The following FRMPD3 variants were observed in gnomAD, a reference collection of about 807,000 sequenced individuals.
FRMPD3 encodes the protein FERM and PDZ domain containing 3.
Under a neutral mutation model 97.9 loss-of-function variants are expected in FRMPD3, and 42 were observed. That is an observed-to-expected ratio of 0.43 (90% CI 0.34 to 0.55). The LOEUF is 0.55. FRMPD3 is among the 20% of genes least tolerant of loss of function. The probability of loss-of-function intolerance (pLI) is 0.03; values close to 1 mark genes in which losing one functional copy is unlikely to be tolerated. For missense variants in FRMPD3, 1,303 were observed against 1,457.7 expected, an observed-to-expected ratio of 0.89 and a Z score of 1.73; for synonymous variants, 577 against 581.1, an observed-to-expected ratio of 0.99 and a Z score of 0.10.
intron 13 of FRMPD3, among the ~76,000 whole-genome samples, chrX:107,577,761 C>G (rs1288286835): frequency 1.8e-5 from 2 of 111,473 alleles, no homozygotes; most frequent in African/African-American, 6.5e-5. Flanking sequence ...GGACACCCCC[C>G]ACCCACACAC....
intron 13 of FRMPD3, among the ~76,000 whole-genome samples, chrX:107,593,557 G>C (rs374749506): frequency 2.7e-5 from 3 of 111,510 alleles, no homozygotes; most frequent in African/African-American, 9.8e-5. Flanking sequence ...AATCCCTCTT[G>C]AGTTAATTTT....
At chrX:107,545,481 C>T (rs2059377912) in intron 4 of FRMPD3, 1 of 273,379 alleles carries the variant, frequency 3.7e-6, no homozygotes, top group Non-Finnish European at 6.4e-6. Context: ...TGCAAACTCC[C>T]CTAGGCCTAG....
intron 1 of FRMPD3, among the ~76,000 whole-genome samples, chrX:107,491,556 G>A (rs1383716695): frequency 8.9e-6 from 1 of 112,290 alleles, no homozygotes; most frequent in Admixed American, 9.4e-5. Flanking sequence ...ACTACCTCTC[G>A]TATTAGGGGC....
chrX:107,527,990 C>G (rs1320631274), intron 2 of FRMPD3, among the ~76,000 whole-genome samples: 1 of 111,150 alleles, frequency 9.0e-6, no homozygotes, highest in East Asian at 2.8e-4. Flanking sequence ...AATAGACCAC[C>G]AGGAGCCCCT....
intron 1 of FRMPD3, among the ~76,000 whole-genome samples, chrX:107,479,080 T>C (rs1921273688): frequency 8.9e-6 from 1 of 112,681 alleles, no homozygotes; most frequent in Admixed American, 9.3e-5. Context: ...CATGCTTGAG[T>C]CTGGAGAACC....
In FRMPD3 at chrX:107,603,235, G is replaced by C; in HGVS notation, c.5196G>C (p.Gln1732His). 1 of 1,133,757 alleles carries C rather than the reference G, an allele frequency of 8.8e-7. No individual in the cohort carries two copies. Among genetic ancestry groups the C allele is most frequent in the Non-Finnish European group, 1.2e-6 (1 of 855,465 alleles). The allele number at this position is 1,133,757 out of a possible 1,213,427, so 93.4% of individuals were successfully genotyped here. A position where few individuals can be genotyped will look rare whatever the true frequency, so the allele number is the denominator to read the frequency against. ...AGCAGCAGCAGCAACAACAACAGCAGCAGCAACAACAACAGCAGCAGCAGC... is the reference window on the plus strand; with the variant it reads ...AGCAGCAGCAGCAACAACAACAGCACCAGCAACAACAACAGCAGCAGCAGC... ...QQQQQQQQQQQQQQQQQQQQQ... is the reference protein window; with the variant it reads ...QQQQQQQQQQHQQQQQQQQQQ... The change falls in exon 15 of 15, where the codon CAG (glutamine) becomes CAC (histidine). Residue 1732 changes from glutamine to histidine, a missense_variant. By Grantham distance (24) the Gln-to-His change is conservative. Coordinates refer to ENST00000683843, the MANE Select transcript of FRMPD3 (RefSeq NM_001388459.1).
intron 1 of FRMPD3, among the ~76,000 whole-genome samples, chrX:107,503,082 G>T (rs1921953578): frequency 8.9e-6 from 1 of 111,832 alleles, no homozygotes; most frequent in Admixed American, 9.4e-5. Flanking sequence ...CAGGCACATA[G>T]CTACCACTGG....
chrX:107,548,776 T>C (rs1216577023), intron 5 of FRMPD3, among the ~76,000 whole-genome samples: 2 of 111,962 alleles, frequency 1.8e-5, no homozygotes, highest in Non-Finnish European at 3.8e-5. Context: ...CCCAGGAGTT[T>C]GAGGCTGCAG....
At chrX:107,498,647 A>G (rs902154769) in intron 1 of FRMPD3, among the ~76,000 whole-genome samples, 1 of 111,574 alleles carries the variant, frequency 9.0e-6, no homozygotes, top group South Asian at 3.8e-4. Context: ...GCTCAAGGGA[A>G]TGGGGACATA....
chrX:107,504,805 G>A (rs1307592405), intron 1 of FRMPD3, among the ~76,000 whole-genome samples: 1 of 112,005 alleles, frequency 8.9e-6, no homozygotes, highest in Non-Finnish European at 1.9e-5. Context: ...GCCTCAAGTG[G>A]TTTCTACCCA....
intron 13 of FRMPD3, among the ~76,000 whole-genome samples, chrX:107,583,175 G>A (rs5962859): frequency 0.13 from 13,693 of 106,985 alleles, 1,889 homozygotes; most frequent in African/African-American, 0.4. Flanking sequence ...TTTGCTACAT[G>A]GGTATACATG....
intron 8 of FRMPD3, among the ~76,000 whole-genome samples, chrX:107,558,681 A>AT (rs1304541130): frequency 3.6e-5 from 4 of 111,425 alleles, no homozygotes; most frequent in Non-Finnish European, 7.5e-5. Flanking sequence ...TTTGCATAGC[A>AT]TTTTTATTTT....
chrX:107,467,820 A>G, intron 1 of FRMPD3, among the ~76,000 whole-genome samples: 1 of 111,706 alleles, frequency 9.0e-6, no homozygotes, highest in Admixed American at 9.5e-5. Context: ...AAAATGTCCT[A>G]GCCACCCTGC....
At chrX:107,553,864 A>T (rs1169130853) in intron 7 of FRMPD3, among the ~76,000 whole-genome samples, 1 of 112,145 alleles carries the variant, frequency 8.9e-6, no homozygotes, top group Non-Finnish European at 1.9e-5. Flanking sequence ...ACTTTCACAC[A>T]TACACACAAG....
intron 5 of FRMPD3, among the ~76,000 whole-genome samples, chrX:107,549,620 G>A (rs1235513396): frequency 9.0e-6 from 1 of 111,641 alleles, no homozygotes; most frequent in Non-Finnish European, 1.9e-5. Context: ...GGCTTGTGAA[G>A]GGCCTCAGGG....
chrX:107,491,093 A>G (rs1014037855), intron 1 of FRMPD3, among the ~76,000 whole-genome samples: 1 of 111,564 alleles, frequency 9.0e-6, no homozygotes, highest in Non-Finnish European at 1.9e-5. Flanking sequence ...ACCCACGACT[A>G]TCTGACCCCA....
At chrX:107,518,218 A>G (rs1922405224) in intron 1 of FRMPD3, among the ~76,000 whole-genome samples, 1 of 112,195 alleles carries the variant, frequency 8.9e-6, no homozygotes, top group African/African-American at 3.2e-5. Context: ...ATGAAGAGCC[A>G]GCTCTGTGAA....
rs151233410 is a variant in FRMPD3, at chrX:107,518,371, T to C, written c.-7-8211T>C. On this transcript the variant is annotated intron_variant, in intron 1 of 14. Transcript: ENST00000683843. ...GGATGGTGTCGTAGAGAGTGGGATA[T>C]TGGGCATTGAGATTTGGGGGTAGTG... Among the ~76,000 whole-genome samples the C allele has an allele frequency of 2.5e-3, 276 of 111,354 alleles. 1 individual carries two copies. The highest frequency in any genetic ancestry group is 7.7e-3 in the African/African-American group (236 of 30,603).
intron 1 of FRMPD3, among the ~76,000 whole-genome samples, chrX:107,493,601 T>C (rs1268070326): frequency 8.9e-6 from 1 of 112,382 alleles, no homozygotes; most frequent in Non-Finnish European, 1.9e-5. Flanking sequence ...CTTTAAGCTA[T>C]TGTGCCAAAC....
Sources: allele counts gnomAD v4.1 joint callset (sites outside exome capture counted in the v4.1 genomes callset), GRCh38; gene constraint gnomAD v4.1.1; transcripts MANE v1.5; gene names NCBI Gene and HGNC (gene_info 2026-07-23, HGNC 2026-07-21).